NRXN3: variants seen among roughly 807,000 people sequenced by gnomAD.
The protein encoded by NRXN3 is neurexin III.
In NRXN3, 32 loss-of-function variants were observed where a neutral mutation model predicts 137.6. The ratio of observed to expected loss-of-function variants is 0.23; its 90% confidence interval spans 0.18 to 0.31. The LOEUF (loss-of-function observed/expected upper bound fraction) is 0.31, where lower values mean the gene tolerates loss of function less well. NRXN3 is among the 10% of genes least tolerant of loss of function. The pLI, the probability that NRXN3 is intolerant of heterozygous loss-of-function variation, is 1.00. For missense variants in NRXN3, 1,574 were observed against 2,062.5 expected (o/e 0.76, Z 4.59); for synonymous variants, 798 against 784.5 (o/e 1.02, Z -0.29).
chr14:79,822,768 T>G (rs1603616459), intron 20 of NRXN3, among the ~76,000 whole-genome samples: 1 of 135,504 alleles, frequency 7.4e-6, no homozygotes, highest in Non-Finnish European at 1.7e-5. Context: ...AATTTTTAAT[T>G]TCAGTTAAAA....
intron 5 of NRXN3, among the ~76,000 whole-genome samples, chr14:78,649,748 C>T (rs1050296191): frequency 6.6e-6 from 1 of 151,906 alleles, no homozygotes; most frequent in South Asian, 2.1e-4. Context: ...ACTCCTTAGT[C>T]CCTTTTCTCT....
chr14:79,806,938 TTATATATATA>T (rs1296037210), intron 20 of NRXN3, among the ~76,000 whole-genome samples: 7 of 58,046 alleles, frequency 1.2e-4, no homozygotes, highest in African/African-American at 4.9e-4. Flanking sequence ...GGCTTTAATT[TTATATATATA>T]TATATATATA....
chr14:78,437,483 G>A (rs547933883), intron 4 of NRXN3, among the ~76,000 whole-genome samples: 58 of 152,124 alleles, frequency 3.8e-4, no homozygotes, highest in African/African-American at 1.3e-3. Context: ...TGAGTAGCTG[G>A]GATTACAGGC....
intron 19 of NRXN3, among the ~76,000 whole-genome samples, chr14:79,755,081 C>T (rs759807970): frequency 8.6e-5 from 13 of 152,044 alleles, no homozygotes; most frequent in Non-Finnish European, 1.2e-4. Flanking sequence ...TTAATACACT[C>T]TGTAAAAGCA....
chr14:78,363,678 G>A lies in NRXN3; in HGVS notation c.757+65818G>A, dbSNP rs529553829. On this transcript the variant is annotated intron_variant, in intron 4 of 20. Coordinates refer to ENST00000335750, the MANE Select transcript of NRXN3 (RefSeq NM_001330195.2). ...GTGCTATCTGGCTGGAGAATCTGCT[G>A]TGTGTTCTGTCCTCTGAGTGCCTAG... 5.8e-4 allele frequency among the ~76,000 whole-genome samples: 89 copies of A among 152,256 alleles called. 2 individuals are homozygous for A. In the South Asian group the frequency reaches 0.017, roughly 29 times the overall value.
intron 16 of NRXN3, among the ~76,000 whole-genome samples, chr14:79,526,454 C>G (rs1400215507): frequency 6.6e-6 from 1 of 152,112 alleles, no homozygotes; most frequent in Non-Finnish European, 1.5e-5. Flanking sequence ...GTAGGTTTCC[C>G]AAAGCATGTG....
At chr14:79,259,652 T>TATAGCTATATAGTTATCTATAG (rs1568831212) in intron 15 of NRXN3, among the ~76,000 whole-genome samples, 2 of 148,390 alleles carry the variant, frequency 1.3e-5, no homozygotes, top group African/African-American at 4.9e-5. Flanking sequence ...GTTATCTATA[T>TATAGCTATATAGTTATCTATAG]ATAGCTATAT....
At chr14:78,668,520 G>A (rs2097906604) in intron 6 of NRXN3, among the ~76,000 whole-genome samples, 1 of 152,174 alleles carries the variant, frequency 6.6e-6, no homozygotes. Flanking sequence ...AGTGGTTGGA[G>A]GGGAGTAAAG....
At chr14:79,715,073 C>A (rs2098819065) in intron 19 of NRXN3, among the ~76,000 whole-genome samples, 1 of 152,188 alleles carries the variant, frequency 6.6e-6, no homozygotes, top group African/African-American at 2.4e-5. Context: ...CCTGCCTCAG[C>A]CTCCTGAGTA....
chr14:78,624,371 C>T (rs2097433880), intron 4 of NRXN3, among the ~76,000 whole-genome samples: 1 of 152,144 alleles, frequency 6.6e-6, no homozygotes, highest in African/African-American at 2.4e-5. Context: ...GCTATTATGC[C>T]CCTGACACAC....
intron 14 of NRXN3, among the ~76,000 whole-genome samples, chr14:78,979,504 T>A (rs1007622168): frequency 5.3e-5 from 8 of 152,144 alleles, no homozygotes; most frequent in African/African-American, 1.9e-4. Context: ...TCCACCCAAC[T>A]ACTGTTCACT....
chr14:79,114,740 C>T (rs2054103212), intron 15 of NRXN3, among the ~76,000 whole-genome samples: 1 of 152,062 alleles, frequency 6.6e-6, no homozygotes, highest in African/African-American at 2.4e-5. Context: ...GTTGCTCAGG[C>T]TGGAATCAAA....
At chr14:79,219,453 T>C (rs1202174896) in intron 15 of NRXN3, among the ~76,000 whole-genome samples, 1 of 152,140 alleles carries the variant, frequency 6.6e-6, no homozygotes, top group Non-Finnish European at 1.5e-5. Context: ...TTATTCATAA[T>C]GTTATCATTA....
At chr14:78,331,712 TGAGTAGAA>T (rs2153570725) in intron 4 of NRXN3, among the ~76,000 whole-genome samples, 1 of 152,242 alleles carries the variant, frequency 6.6e-6, no homozygotes, top group South Asian at 2.1e-4. Context: ...AAATGACTGG[TGAGTAGAA>T]GGCATCTGAA....
At chr14:79,848,848 G>A (rs957423103) in intron 20 of NRXN3, among the ~76,000 whole-genome samples, 16 of 152,230 alleles carry the variant, frequency 1.1e-4, no homozygotes, top group African/African-American at 3.9e-4. Context: ...CCTCCCTTCA[G>A]AATTCCAGTT....
At chr14:79,853,517 A>G (rs1479663711) in intron 20 of NRXN3, 1 of 1,335,838 alleles carries the variant, frequency 7.5e-7, no homozygotes, top group Non-Finnish European at 9.9e-7. Flanking sequence ...GTTTTTGTAT[A>G]TTGCCCATCC....
intron 4 of NRXN3, among the ~76,000 whole-genome samples, chr14:78,410,565 G>T (rs777485184): frequency 7.4e-4 from 113 of 152,308 alleles, no homozygotes; most frequent in Non-Finnish European, 1.4e-3. Flanking sequence ...AACATCTTTG[G>T]TCCTACAGAT....
chr14:78,932,498 G>C (rs541131962), intron 10 of NRXN3, among the ~76,000 whole-genome samples: 2 of 152,280 alleles, frequency 1.3e-5, no homozygotes, highest in African/African-American at 4.8e-5. Flanking sequence ...TGGGATCAGA[G>C]TCTGATTGCA....
chr14:79,061,602 A>G (rs2099674382), intron 15 of NRXN3, among the ~76,000 whole-genome samples: 1 of 152,226 alleles, frequency 6.6e-6, no homozygotes, highest in Admixed American at 6.5e-5. Context: ...TTAGCACTGC[A>G]GTGGAATGCT....
Sources: gnomAD v4.1 joint callset for allele counts (sites outside exome capture counted in the v4.1 genomes callset) on GRCh38, gnomAD v4.1.1 for gene constraint, MANE v1.5 for transcripts, NCBI Gene and HGNC (gene_info 2026-07-23, HGNC 2026-07-21) for gene names.